Variants in RAB27A observed in about 807,000 individuals in gnomAD.
RAB27A encodes ras-related protein Rab-27A.
In RAB27A, 17 loss-of-function variants were observed where a neutral mutation model predicts 20.8. That is an observed-to-expected ratio of 0.82 (90% CI 0.56 to 1.23). RAB27A has a LOEUF of 1.23. RAB27A is among the 50% of genes most tolerant of loss of function. RAB27A has a pLI of 0.00. For synonymous variants in RAB27A, 85 were observed against 92.8 expected (o/e 0.92, Z 0.48); for missense variants, 277 against 266.7 (o/e 1.04, Z -0.27).
intron 2 of RAB27A, chr15:55,238,065 A>G (rs1896332486): frequency 6.6e-6 from 1 of 152,152 alleles, no homozygotes; most frequent in African/African-American, 2.4e-5. Context: ...CTGTTAACAA[A>G]CCAAATACCA....
At chr15:55,206,524 G>A (rs534326902) in intron 6 of RAB27A, among the ~76,000 whole-genome samples, 136 of 152,054 alleles carry the variant, frequency 8.9e-4, no homozygotes, top group Non-Finnish European at 1.6e-3. Context: ...GTATTTTTTT[G>A]TAGAGACAGG....
chr15:55,280,918 T>C (rs1898000629), intron 1 of RAB27A, among the ~76,000 whole-genome samples: 1 of 152,166 alleles, frequency 6.6e-6, no homozygotes, highest in African/African-American at 2.4e-5. Context: ...TGATGGACAT[T>C]TGTGTTAGTT....
intron 2 of RAB27A, among the ~76,000 whole-genome samples, chr15:55,307,462 G>A (rs1472754415): frequency 6.6e-6 from 1 of 151,994 alleles, no homozygotes; most frequent in African/African-American, 2.4e-5. Flanking sequence ...AACCTTCCCT[G>A]AGGATTGTGG....
chr15:55,203,446 C>T lies in RAB27A; in HGVS notation c.*2061G>A, dbSNP rs1398728321. On this transcript the variant is annotated 3_prime_UTR_variant, in exon 7 of 7. Coordinates refer to ENST00000336787, the MANE Select transcript of RAB27A (RefSeq NM_183235.3). ...TTTTTTTTTTTTTGAGACAGAGTCT[C>T]CTCTGTCGCCCAGGCTGGAGTGCAG... The T allele has an allele frequency of 1.4e-5, 2 of 141,016 alleles. No individual in the cohort carries two copies. The highest frequency in any genetic ancestry group is 3.0e-5 in the Non-Finnish European group (2 of 66,020). The allele number at this position is 141,016 out of a possible 1,614,324, so 8.7% of individuals were successfully genotyped here.
chr15:55,307,059 C>T (rs1479476068), intron 2 of RAB27A, among the ~76,000 whole-genome samples: 1 of 151,968 alleles, frequency 6.6e-6, no homozygotes, highest in Admixed American at 6.5e-5. Context: ...GCCACTTTAA[C>T]CGCAGTTGGG....
At chr15:55,307,632 C>T (rs2055003519) in intron 2 of RAB27A, among the ~76,000 whole-genome samples, 1 of 151,740 alleles carries the variant, frequency 6.6e-6, no homozygotes. Flanking sequence ...CCTCTTGGAA[C>T]TTTTCTGTCC....
At chr15:55,317,885 A>G (rs2055064285) in intron 1 of RAB27A, 4 of 391,696 alleles carry the variant, frequency 1.0e-5, no homozygotes, top group East Asian at 7.2e-5. Flanking sequence ...CAAAAATGGA[A>G]AGCAAAGCCA....
chr15:55,221,192 G>A (rs1401657351), intron 6 of RAB27A, among the ~76,000 whole-genome samples: 1 of 152,226 alleles, frequency 6.6e-6, no homozygotes, highest in African/African-American at 2.4e-5. Flanking sequence ...GCCCACAGGG[G>A]CAAGAAGTCA....
At chr15:55,294,213 A>C (rs1228139623), upstream of RAB27A, among the ~76,000 whole-genome samples, 3 of 152,190 alleles carry the variant, frequency 2.0e-5, no homozygotes, top group African/African-American at 7.2e-5. Context: ...AAAATTATGC[A>C]TCTATAGTCA....
At chr15:55,300,615 G>A (rs1223961997) in intron 2 of RAB27A, among the ~76,000 whole-genome samples, 1 of 152,148 alleles carries the variant, frequency 6.6e-6, no homozygotes, top group Non-Finnish European at 1.5e-5. Flanking sequence ...GGAGGTGGAG[G>A]TTGCAGTAAG....
chr15:55,217,601 G>A (rs546579862), intron 6 of RAB27A, among the ~76,000 whole-genome samples: 2 of 134,248 alleles, frequency 1.5e-5, no homozygotes, highest in South Asian at 2.3e-4. Context: ...GGAGGCAGAG[G>A]TTACAGTGAG....
intron 1 of RAB27A, among the ~76,000 whole-genome samples, chr15:55,318,386 C>T (rs2055078825): frequency 2.0e-5 from 3 of 149,176 alleles, no homozygotes; most frequent in Non-Finnish European, 1.5e-5. Flanking sequence ...CGTGAGCCAC[C>T]GCGCCCGGCC....
intron 1 of RAB27A, among the ~76,000 whole-genome samples, chr15:55,272,309 G>C (rs775305373): frequency 1.1e-4 from 16 of 152,188 alleles, no homozygotes; most frequent in Non-Finnish European, 2.2e-4. Context: ...TGAGGCAGGA[G>C]AATGCCGTGA....
chr15:55,275,101 A>G (rs1897826619), intron 1 of RAB27A, among the ~76,000 whole-genome samples: 1 of 151,376 alleles, frequency 6.6e-6, no homozygotes, highest in Admixed American at 6.6e-5. Context: ...AAATACAAAC[A>G]TTAACTGGGG....
chr15:55,217,621 T>A (rs1895368733), intron 6 of RAB27A, among the ~76,000 whole-genome samples: 1 of 127,264 alleles, frequency 7.9e-6, no homozygotes, highest in Non-Finnish European at 1.5e-5. Flanking sequence ...GCCAAGATCG[T>A]GTCACTGCAC....
chr15:55,272,098 T>C (rs1472072878), intron 1 of RAB27A, among the ~76,000 whole-genome samples: 2 of 152,234 alleles, frequency 1.3e-5, no homozygotes, highest in East Asian at 1.9e-4. Flanking sequence ...TAATTACAAG[T>C]TCATATTAGC....
At chr15:55,254,980 G>T (rs911722126) in intron 2 of RAB27A, among the ~76,000 whole-genome samples, 1 of 152,176 alleles carries the variant, frequency 6.6e-6, no homozygotes, top group African/African-American at 2.4e-5. Flanking sequence ...ACAAAAATAC[G>T]TTAAAGGAGG....
chr15:55,277,665 A>T lies in RAB27A; in HGVS notation c.-142-7381T>A, dbSNP rs140417782. Among the ~76,000 whole-genome samples the T allele has an allele frequency of 7.2e-4, 109 of 152,286 alleles. 1 individual carries two copies. The highest frequency in any genetic ancestry group is 2.6e-3 in the African/African-American group (108 of 41,538). Reference sequence around the variant, plus strand: ...AAACCAAATAACCAAGCTTATTAGAACTGTGTGTAAAATGAAGAAAAATGG... The same window carrying T: ...AAACCAAATAACCAAGCTTATTAGATCTGTGTGTAAAATGAAGAAAAATGG... On this transcript the variant is annotated intron_variant, in intron 1 of 6. Coordinates refer to ENST00000336787, the MANE Select transcript of RAB27A (RefSeq NM_183235.3).
intron 3 of RAB27A, among the ~76,000 whole-genome samples, chr15:55,231,332 T>C (rs1251795995): frequency 1.3e-5 from 2 of 152,158 alleles, no homozygotes; most frequent in Non-Finnish European, 2.9e-5. Context: ...CCATCCCAAA[T>C]TTTAAAAGTG....
Sources: gnomAD v4.1 joint callset for allele counts (sites outside exome capture counted in the v4.1 genomes callset) on GRCh38, gnomAD v4.1.1 for gene constraint, MANE v1.5 for transcripts, NCBI Gene and HGNC (gene_info 2026-07-23, HGNC 2026-07-21) for gene names.